The following MAPK10 variants were observed in gnomAD, a reference collection of about 807,000 sequenced individuals.
MAPK10 encodes the protein JNK3 alpha protein kinase.
In MAPK10, 25 loss-of-function variants were observed where a neutral mutation model predicts 59.3. The observed-to-expected ratio is 0.42, with a 90% CI of 0.31 to 0.59. The LOEUF (loss-of-function observed/expected upper bound fraction) is 0.59. Ranked by LOEUF, MAPK10 falls within the 20% of genes least tolerant of loss-of-function variation. The pLI, the probability that MAPK10 is intolerant of heterozygous loss-of-function variation, is 0.15. For missense variants in MAPK10, 351 were observed against 568.9 expected (o/e 0.62, Z 3.90); for synonymous variants, 190 against 200.5 (o/e 0.95, Z 0.44).
intron 1 of MAPK10, among the ~76,000 whole-genome samples, chr4:86,574,042 C>T (rs956226459): frequency 3.9e-5 from 6 of 152,168 alleles, no homozygotes; most frequent in Admixed American, 1.3e-4. Context: ...TCTCCTAATG[C>T]TATCCTTCCA....
chr4:86,256,897 C>T (rs1563678115), intron 2 of MAPK10, among the ~76,000 whole-genome samples: 2 of 74,694 alleles, frequency 2.7e-5, no homozygotes, highest in African/African-American at 1.7e-4. Context: ...CCCGCCATTG[C>T]GCCCGCCATT....
At chr4:86,197,177 C>A (rs1241675669) in intron 2 of MAPK10, among the ~76,000 whole-genome samples, 2 of 152,146 alleles carry the variant, frequency 1.3e-5, no homozygotes, top group African/African-American at 4.8e-5. Flanking sequence ...AATATTGATT[C>A]TTCCTATCCA....
intron 1 of MAPK10, among the ~76,000 whole-genome samples, chr4:86,574,825 C>G (rs998870750): frequency 1.3e-5 from 2 of 152,024 alleles, no homozygotes; most frequent in African/African-American, 4.8e-5. Context: ...TTATTTCTTC[C>G]TTTATAATCT....
intron 2 of MAPK10, among the ~76,000 whole-genome samples, chr4:86,260,912 A>C (rs768727157): frequency 5.3e-5 from 8 of 152,142 alleles, no homozygotes; most frequent in Non-Finnish European, 2.9e-5. Context: ...CAATGAAGAG[A>C]TAAACATCAT....
At chr4:86,208,022 C>G (rs545881216) in intron 2 of MAPK10, among the ~76,000 whole-genome samples, 31 of 152,204 alleles carry the variant, frequency 2.0e-4, no homozygotes, top group South Asian at 1.0e-3. Context: ...CACATACACT[C>G]TCCCAAGACT....
intron 2 of MAPK10, among the ~76,000 whole-genome samples, chr4:86,212,907 C>T (rs564123165): frequency 2.0e-5 from 3 of 152,160 alleles, no homozygotes; most frequent in South Asian, 4.1e-4. Context: ...TATACAGAAC[C>T]GTCTTCCTCA....
At chr4:86,439,447 T>C (rs1480124845) in intron 1 of MAPK10, among the ~76,000 whole-genome samples, 1 of 152,238 alleles carries the variant, frequency 6.6e-6, no homozygotes, top group Non-Finnish European at 1.5e-5. Flanking sequence ...TATTGCTGAG[T>C]AGCCTTCCAC....
rs143650776 is a variant in MAPK10, at chr4:86,451,127, T to C, written c.-122+1903A>G. ...CCCCACTGAGGATCTCAGAGAGAAG[T>C]ACAAACCGCTAATAATGGAAGCAAG... On this transcript the variant is annotated intron_variant, in intron 1 of 13. Coordinates refer to the MAPK10 transcript ENST00000361569. Among the ~76,000 whole-genome samples the C allele has an allele frequency of 6.0e-3, 921 of 152,278 alleles. 7 individuals carry two copies. The highest frequency in any genetic ancestry group is 0.02 in the African/African-American group (824 of 41,558).
chr4:86,448,464 C>T (rs1335204378), intron 1 of MAPK10, among the ~76,000 whole-genome samples: 1 of 151,618 alleles, frequency 6.6e-6, no homozygotes, highest in Non-Finnish European at 1.5e-5. Flanking sequence ...AATAGTAAGA[C>T]TTCCTATCCA....
rs376947621 is a variant in MAPK10, at chr4:86,412,017, T to C, written c.-122+41013A>G. Among the ~76,000 whole-genome samples the C allele has an allele frequency of 2.7e-3, 407 of 152,356 alleles. 1 individual carries two copies. Among genetic ancestry groups the C allele is most frequent in the African/African-American group, 9.1e-3 (377 of 41,586 alleles). On this transcript the variant is annotated intron_variant, in intron 1 of 13. Coordinates refer to the MAPK10 transcript ENST00000361569. ...CATTGATGGTCTTTGCAATTTGGCA[T>C]GTTTTTGCAGTGGCTAGTACCGGTT...
At chr4:86,043,738 G>C (rs2042018174) in intron 11 of MAPK10, among the ~76,000 whole-genome samples, 1 of 152,028 alleles carries the variant, frequency 6.6e-6, no homozygotes, top group Admixed American at 6.6e-5. Context: ...GGGTTTTCCT[G>C]GATCTTGTGT....
At chr4:86,050,431 T>G (rs2043291358) in intron 11 of MAPK10, among the ~76,000 whole-genome samples, 2 of 152,188 alleles carry the variant, frequency 1.3e-5, no homozygotes, top group African/African-American at 4.8e-5. Context: ...GATGAGACTT[T>G]GAGTCCATGT....
chr4:86,583,314 C>T (rs1762434325), intron 1 of MAPK10, among the ~76,000 whole-genome samples: 1 of 152,044 alleles, frequency 6.6e-6, no homozygotes, highest in Non-Finnish European at 1.5e-5. Flanking sequence ...TGAGTCACCA[C>T]GCCTGGCCCC....
chr4:86,534,575 T>C (rs1487568062), intron 1 of MAPK10, among the ~76,000 whole-genome samples: 1 of 152,150 alleles, frequency 6.6e-6, no homozygotes, highest in Non-Finnish European at 1.5e-5. Context: ...ATGGAAACTA[T>C]GTCCTATCAT....
rs148150277 is a variant in MAPK10 at position 86,248,699 on chromosome 4, G to A, written c.-6-54292C>T. Reference sequence around the variant, plus strand: ...ACCTAAACTGAGAATCGGGATATACGATCTCCTTCTAACACAATGCAGGGT... The same window carrying A: ...ACCTAAACTGAGAATCGGGATATACAATCTCCTTCTAACACAATGCAGGGT... On this transcript the variant is annotated intron_variant, in intron 2 of 13. Coordinates refer to ENST00000641462, the MANE Select transcript of MAPK10 (RefSeq NM_138982.4). Among the ~76,000 whole-genome samples, 580 of 152,232 alleles carry A rather than the reference G, an allele frequency of 3.8e-3. 3 individuals carry two copies. The highest frequency in any genetic ancestry group is 0.013 in the African/African-American group (559 of 41,530).
At chr4:86,561,701 G>C (rs1328311661) in intron 1 of MAPK10, among the ~76,000 whole-genome samples, 2 of 152,158 alleles carry the variant, frequency 1.3e-5, no homozygotes, top group East Asian at 3.8e-4. Context: ...CAATATGAAA[G>C]TAGATGAAAC....
chr4:86,119,591 A>AAAAAAAAAAAAAAAAC (rs2058897698), intron 4 of MAPK10: 1 of 151,858 alleles, frequency 6.6e-6, no homozygotes. Flanking sequence ...CACAAAAAAA[A>AAAAAAAAAAAAAAAAC]AAAAAAAAAA....
intron 3 of MAPK10, among the ~76,000 whole-genome samples, chr4:86,190,396 G>C (rs2079403827): frequency 6.6e-6 from 1 of 152,066 alleles, no homozygotes; most frequent in South Asian, 2.1e-4. Flanking sequence ...TGGTTGGTAG[G>C]CTATTAATTA....
rs1171576245 is a variant in MAPK10 at position 86,015,619 on chromosome 4, CTTTCA to C, written c.*1604_*1608del. On this transcript the variant is annotated 3_prime_UTR_variant, in exon 14 of 14. Coordinates refer to ENST00000641462, the MANE Select transcript of MAPK10 (RefSeq NM_138982.4). Reference sequence around the variant, plus strand: ...GCCTCCTTAAGTGCTCAGGAAAGCACTTTCATTTAATTTAATTTAAGCTAAATTCT... The same window carrying C: ...GCCTCCTTAAGTGCTCAGGAAAGCACTTTAATTTAATTTAAGCTAAATTCT... 1 of 152,188 alleles carries C rather than the reference CTTTCA, an allele frequency of 6.6e-6. No homozygotes were observed. Among genetic ancestry groups the C allele is most frequent in the Non-Finnish European group, 1.5e-5 (1 of 68,016 alleles). The allele number at this position is 152,188 out of a possible 1,614,324, so 9.4% of individuals were successfully genotyped here. A position where few individuals can be genotyped will look rare whatever the true frequency, so the allele number is the denominator to read the frequency against.
Sources: gnomAD v4.1 joint callset for allele counts (sites outside exome capture counted in the v4.1 genomes callset) on GRCh38, gnomAD v4.1.1 for gene constraint, MANE v1.5 for transcripts, NCBI Gene and HGNC (gene_info 2026-07-23, HGNC 2026-07-21) for gene names.